EPHA6: variants seen among roughly 807,000 people sequenced by gnomAD.
EPHA6 encodes the protein ephrin type-A receptor 6.
A neutral mutation model predicts 112.0 loss-of-function variants in EPHA6; 50 were observed. The observed-to-expected ratio is 0.45, with a 90% CI of 0.36 to 0.56. EPHA6 has a LOEUF of 0.56. Among genes scored for constraint, EPHA6 ranks in the 20% least tolerant of loss-of-function variants. The probability of loss-of-function intolerance (pLI) is 0.00; values close to 1 mark genes in which losing one functional copy is unlikely to be tolerated. For missense variants in EPHA6, 1,280 were observed against 1,417.4 expected (o/e 0.90, Z 1.56); for synonymous variants, 529 against 490.7 (o/e 1.08, Z -1.03).
chr3:96,958,373 G>A (rs1213450861), intron 2 of EPHA6, among the ~76,000 whole-genome samples: 1 of 151,572 alleles, frequency 6.6e-6, no homozygotes, highest in Admixed American at 6.6e-5. Context: ...CTCAACTTTC[G>A]TAAAACTCAG....
At chr3:97,101,157 C>G (rs1324091208) in intron 3 of EPHA6, among the ~76,000 whole-genome samples, 2 of 151,818 alleles carry the variant, frequency 1.3e-5, no homozygotes, top group African/African-American at 4.8e-5. Flanking sequence ...AAATTTTGAA[C>G]ATATAAATTA....
At chr3:97,275,532 C>T (rs986376853) in intron 5 of EPHA6, among the ~76,000 whole-genome samples, 4 of 151,946 alleles carry the variant, frequency 2.6e-5, no homozygotes, top group East Asian at 1.9e-4. Flanking sequence ...GGGTTTGGCA[C>T]GACGGGGTGG....
intron 5 of EPHA6, among the ~76,000 whole-genome samples, chr3:97,404,086 T>C (rs976292643): frequency 2.6e-5 from 4 of 152,234 alleles, no homozygotes; most frequent in Non-Finnish European, 4.4e-5. Flanking sequence ...GGCATTTAGA[T>C]TGTTACAATC....
At chr3:97,621,065 A>T (rs2093810240) in intron 13 of EPHA6, among the ~76,000 whole-genome samples, 1 of 152,068 alleles carries the variant, frequency 6.6e-6, no homozygotes, top group South Asian at 2.1e-4. Flanking sequence ...CATATACACC[A>T]TGGAATACTA....
intron 1 of EPHA6, among the ~76,000 whole-genome samples, chr3:96,841,659 C>T (rs1229963973): frequency 2.6e-5 from 4 of 151,998 alleles, no homozygotes; most frequent in Non-Finnish European, 4.4e-5. Context: ...CCTGTCAGCC[C>T]ATAACGGAGA....
At chr3:96,982,073 T>G (rs888455584) in intron 2 of EPHA6, among the ~76,000 whole-genome samples, 2 of 152,216 alleles carry the variant, frequency 1.3e-5, no homozygotes, top group Non-Finnish European at 2.9e-5. Context: ...TCTCTAATCT[T>G]AGTTATTTCT....
chr3:96,936,208 T>G (rs1022641956), intron 2 of EPHA6, among the ~76,000 whole-genome samples: 3 of 152,140 alleles, frequency 2.0e-5, no homozygotes, highest in Non-Finnish European at 4.4e-5. Context: ...ATACGTCATT[T>G]TAGGCCCCAG....
At chr3:96,954,159 C>T (rs1326239050) in intron 2 of EPHA6, among the ~76,000 whole-genome samples, 1 of 152,140 alleles carries the variant, frequency 6.6e-6, no homozygotes, top group Admixed American at 6.6e-5. Context: ...CGGGTGTGAG[C>T]CACCACACCC....
At chr3:97,067,082 T>A (rs2108143258) in intron 3 of EPHA6, among the ~76,000 whole-genome samples, 1 of 152,270 alleles carries the variant, frequency 6.6e-6, no homozygotes, top group East Asian at 1.9e-4. Context: ...GTATACCTTT[T>A]ATTTTGTAAG....
chr3:97,486,443 C>T (rs2091700480), intron 10 of EPHA6, among the ~76,000 whole-genome samples: 1 of 152,120 alleles, frequency 6.6e-6, no homozygotes, highest in African/African-American at 2.4e-5. Context: ...AATAGAATGC[C>T]TCACATGGGG....
At chr3:97,581,621 A>C (rs891933833) in intron 11 of EPHA6, among the ~76,000 whole-genome samples, 1 of 152,252 alleles carries the variant, frequency 6.6e-6, no homozygotes, top group Admixed American at 6.5e-5. Context: ...ATTTTGTATA[A>C]TTGTCCTCAT....
At chr3:97,529,194 T>C (rs1348326327) in intron 10 of EPHA6, among the ~76,000 whole-genome samples, 12 of 152,124 alleles carry the variant, frequency 7.9e-5, no homozygotes, top group Admixed American at 7.9e-4. Flanking sequence ...AAGCATGGAC[T>C]CTGAAACCAG....
intron 1 of EPHA6, among the ~76,000 whole-genome samples, chr3:96,821,768 T>C (rs2033277198): frequency 6.6e-6 from 1 of 151,852 alleles, no homozygotes; most frequent in African/African-American, 2.4e-5. Context: ...TTTAAAAATA[T>C]CTATTATTTT....
At chr3:96,897,746 A>AT (rs1559811092) in intron 2 of EPHA6, among the ~76,000 whole-genome samples, 1 of 152,096 alleles carries the variant, frequency 6.6e-6, no homozygotes, top group African/African-American at 2.4e-5. Context: ...TTTATGTAAA[A>AT]TTTTTTTCTA....
At chr3:97,654,691 C>A (rs2094127409) in intron 14 of EPHA6, among the ~76,000 whole-genome samples, 1 of 151,758 alleles carries the variant, frequency 6.6e-6, no homozygotes, top group Non-Finnish European at 1.5e-5. Context: ...AAGATGAGAA[C>A]AAGCTTGGTG....
chr3:97,268,454 G>A (rs1029611390), intron 5 of EPHA6, among the ~76,000 whole-genome samples: 2 of 152,076 alleles, frequency 1.3e-5, no homozygotes, highest in Admixed American at 1.3e-4. Flanking sequence ...GAGATTCTGA[G>A]AAACTTTATC....
At chr3:97,645,595 G>A (rs1408160681) in intron 14 of EPHA6, among the ~76,000 whole-genome samples, 1 of 151,314 alleles carries the variant, frequency 6.6e-6, no homozygotes, top group African/African-American at 2.4e-5. Flanking sequence ...CAGTGCACCA[G>A]CATGGCACAT....
In EPHA6 at chr3:97,735,932, T is replaced by C; in HGVS notation, c.2942T>C (p.Leu981Pro). The C allele has an allele frequency of 6.2e-7, 1 of 1,604,864 alleles. No homozygotes were observed. The highest frequency in any genetic ancestry group is 8.5e-7 in the Non-Finnish European group (1 of 1,174,166). ...YWEMSNQDVI[L>P]SIEEGYRLPA... The stretch of plus-strand genomic sequence containing the variant: ...GTATATGTTTGCATTTAGGTCATTC[T>C]GTCCATTGAAGAAGGGTACAGACTT... The change falls in exon 16 of 18, where the codon CTG becomes CCG. Residue 981 changes from leucine (L) to proline (P), a missense_variant. This residue lies in a region of EPHA6 where 37 missense variants were observed against 92.9 expected (regional missense o/e 0.40). Transcript: ENST00000389672.
intron 3 of EPHA6, among the ~76,000 whole-genome samples, chr3:97,096,979 G>A (rs1196568187): frequency 1.3e-5 from 2 of 151,414 alleles, no homozygotes; most frequent in Non-Finnish European, 3.0e-5. Flanking sequence ...TAGTTTATGA[G>A]TTCGTAAACA....
Sources: gnomAD v4.1 joint callset for allele counts (sites outside exome capture counted in the v4.1 genomes callset) on GRCh38, gnomAD v4.1.1 for gene constraint, gnomAD v4.1.1 regional missense constraint, MANE v1.5 for transcripts, NCBI Gene and HGNC (gene_info 2026-07-23, HGNC 2026-07-21) for gene names.